The following RTN1 variants were observed in gnomAD, a reference collection of about 807,000 sequenced individuals.
The protein encoded by RTN1 is reticulon-1.
A neutral mutation model predicts 65.5 loss-of-function variants in RTN1; 25 were observed. The observed-to-expected ratio is 0.38, with a 90% CI of 0.28 to 0.53. The LOEUF is 0.53. Ranked by LOEUF, RTN1 falls within the 20% of genes least tolerant of loss-of-function variation. The pLI, the probability that RTN1 is intolerant of heterozygous loss-of-function variation, is 0.79. For missense variants in RTN1, 983 were observed against 1,025.4 expected (o/e 0.96, Z 0.57); for synonymous variants, 471 against 447.6 (o/e 1.05, Z -0.66).
intron 3 of RTN1, among the ~76,000 whole-genome samples, chr14:59,716,080 C>A (rs1441892458): frequency 3.3e-5 from 5 of 152,192 alleles, no homozygotes; most frequent in African/African-American, 1.2e-4. Context: ...CATGCTAACA[C>A]TTGAACTAGC....
chr14:59,822,546 T>G (rs1385470019), intron 1 of RTN1, among the ~76,000 whole-genome samples: 1 of 152,222 alleles, frequency 6.6e-6, no homozygotes, highest in East Asian at 1.9e-4. Flanking sequence ...TGTTTTCTTC[T>G]CCAAGCTTTG....
At chr14:59,823,272 C>G (rs1460968898) in intron 1 of RTN1, among the ~76,000 whole-genome samples, 3 of 151,726 alleles carry the variant, frequency 2.0e-5, no homozygotes, top group Admixed American at 2.0e-4. Flanking sequence ...CCTTCCTTGT[C>G]CCCTTTTTTT....
chr14:59,822,831 T>C (rs1886965574), intron 1 of RTN1, among the ~76,000 whole-genome samples: 1 of 152,134 alleles, frequency 6.6e-6, no homozygotes, highest in Admixed American at 6.5e-5. Flanking sequence ...TCTTGGTATT[T>C]CTATTTTTAT....
intron 3 of RTN1, among the ~76,000 whole-genome samples, chr14:59,667,763 C>T (rs1566678717): frequency 6.6e-6 from 1 of 152,142 alleles, no homozygotes; most frequent in Non-Finnish European, 1.5e-5. Flanking sequence ...TCAGCAAAGT[C>T]TCAGGATACA....
chr14:59,605,075 C>T (rs1285389240), intron 5 of RTN1: 1 of 222,774 alleles, frequency 4.5e-6, no homozygotes, highest in East Asian at 9.4e-5. Flanking sequence ...TTTAAGGAGA[C>T]AATCTGGTGT....
chr14:59,658,409 G>A (rs2140204752), intron 3 of RTN1, among the ~76,000 whole-genome samples: 1 of 152,282 alleles, frequency 6.6e-6, no homozygotes, highest in African/African-American at 2.4e-5. Flanking sequence ...GCCTGCTCAA[G>A]TGGGTCCCTG....
intron 3 of RTN1, among the ~76,000 whole-genome samples, chr14:59,616,344 AT>A (rs1197230399): frequency 3.9e-5 from 6 of 152,280 alleles, no homozygotes; most frequent in African/African-American, 1.4e-4. Context: ...GCCTTAAAAT[AT>A]TTTTATCATC....
chr14:59,750,371 T>A (rs1475181230), intron 1 of RTN1, among the ~76,000 whole-genome samples: 2 of 31,768 alleles, frequency 6.3e-5, no homozygotes, highest in East Asian at 1.0e-3. Context: ...ATATATTATA[T>A]CTATATATTA....
At chr14:59,770,584 A>G (rs1367412498) in intron 1 of RTN1, among the ~76,000 whole-genome samples, 1 of 152,068 alleles carries the variant, frequency 6.6e-6, no homozygotes, top group Non-Finnish European at 1.5e-5. Flanking sequence ...GTAAAGCTTT[A>G]TATATGTATT....
At chr14:59,664,234 G>C (rs1482288419) in intron 3 of RTN1, among the ~76,000 whole-genome samples, 1 of 152,024 alleles carries the variant, frequency 6.6e-6, no homozygotes, top group Non-Finnish European at 1.5e-5. Flanking sequence ...ACCAAACACT[G>C]CATGTTCTCA....
chr14:59,634,903 G>C (rs1882629930), intron 3 of RTN1, among the ~76,000 whole-genome samples: 2 of 152,322 alleles, frequency 1.3e-5, no homozygotes, highest in African/African-American at 4.8e-5. Flanking sequence ...CTTAATTACA[G>C]AAATGTGCAG....
At chr14:59,608,921 A>T (rs569613687) in intron 3 of RTN1, among the ~76,000 whole-genome samples, 2 of 152,276 alleles carry the variant, frequency 1.3e-5, no homozygotes, top group Non-Finnish European at 2.9e-5. Flanking sequence ...AAAATAAAAA[A>T]AAAGTACTGT....
At chr14:59,698,724 T>A (rs1449883252) in intron 3 of RTN1, among the ~76,000 whole-genome samples, 1 of 152,200 alleles carries the variant, frequency 6.6e-6, no homozygotes, top group Non-Finnish European at 1.5e-5. Flanking sequence ...TTTTGTAAAC[T>A]GCCCAGTCTC....
At chr14:59,665,244 C>T (rs571008680) in intron 3 of RTN1, among the ~76,000 whole-genome samples, 25 of 152,184 alleles carry the variant, frequency 1.6e-4, no homozygotes, top group African/African-American at 3.6e-4. Context: ...GCGGATCTCT[C>T]GGCAGAAACT....
Position 59,727,715 on chromosome 14 carries a change from A to T in RTN1, c.1016-47T>A, listed in dbSNP as rs559999928. On this transcript the variant is annotated intron_variant, in intron 2 of 8. Coordinates refer to ENST00000267484, the MANE Select transcript of RTN1 (RefSeq NM_021136.3). This position sits in a 1 kb window ranked among gnomAD's most constrained non-coding sequence, Gnocchi z 4.2. ...GAGAGCCACGGAGGCACACACACGG[A>T]CAGACAGATGGACAGAGAGAGGAGG... The T allele has an allele frequency of 2.2e-5, 33 of 1,531,238 alleles. No individual in the cohort carries two copies. The South Asian group carries it at 3.8e-4, about 18-fold the overall frequency. The allele number at this position is 1,531,238 out of a possible 1,614,324, so 94.9% of individuals were successfully genotyped here.
chr14:59,719,722 C>G (rs1357340352), intron 3 of RTN1, among the ~76,000 whole-genome samples: 2 of 152,028 alleles, frequency 1.3e-5, no homozygotes, highest in Non-Finnish European at 2.9e-5. Context: ...AGGATCCCAC[C>G]CAGACTTCAG....
chr14:59,870,381 C>T lies in RTN1; in HGVS notation c.241+9G>A. On this transcript the variant is annotated intron_variant, in intron 1 of 8. Transcript: ENST00000267484. This position sits in a 1 kb window ranked among gnomAD's most constrained non-coding sequence, Gnocchi z 5.1. ...GACGCCATTTGAGGGGCAGCGGCGC[C>T]CGCCTTACCTGTGGATGCAGTTTCC... The T allele has an allele frequency of 1.3e-6, 2 of 1,506,692 alleles. No individual in the cohort carries two copies. Among genetic ancestry groups the T allele is most frequent in the Non-Finnish European group, 8.8e-7 (1 of 1,138,976 alleles). The allele number at this position is 1,506,692 out of a possible 1,614,324, so 93.3% of individuals were successfully genotyped here. A position where few individuals can be genotyped will look rare whatever the true frequency, so the allele number is the denominator to read the frequency against.
chr14:59,775,009 T>C (rs911260642), intron 1 of RTN1, among the ~76,000 whole-genome samples: 1 of 152,214 alleles, frequency 6.6e-6, no homozygotes, highest in Non-Finnish European at 1.5e-5. Flanking sequence ...CACCTATTCA[T>C]GCCACTCTGC....
chr14:59,741,714 C>T (rs1353716848), intron 2 of RTN1, among the ~76,000 whole-genome samples: 1 of 152,166 alleles, frequency 6.6e-6, no homozygotes, highest in Non-Finnish European at 1.5e-5. Flanking sequence ...GTTCTCTGCC[C>T]CACTTCCCTC....
Sources: gnomAD v4.1 joint callset for allele counts (sites outside exome capture counted in the v4.1 genomes callset) on GRCh38, gnomAD v4.1.1 for gene constraint, Gnocchi (gnomAD v3.1) non-coding constraint, MANE v1.5 for transcripts, NCBI Gene and HGNC (gene_info 2026-07-23, HGNC 2026-07-21) for gene names.